The following CPN1 variants were observed in gnomAD, a reference collection of about 807,000 sequenced individuals.
The protein encoded by CPN1 is carboxypeptidase N subunit 1.
In CPN1, 37 loss-of-function variants were observed where a neutral mutation model predicts 46.4. The ratio of observed to expected loss-of-function variants is 0.80; its 90% CI spans 0.61 to 1.05. CPN1 has a LOEUF of 1.05. Ranked by LOEUF, CPN1 falls within the 50% of genes least tolerant of loss-of-function variation. The probability of loss-of-function intolerance (pLI) is 0.00; values close to 1 mark genes in which losing one functional copy is unlikely to be tolerated. For missense variants in CPN1, 563 were observed against 602.6 expected (o/e 0.93, Z 0.69); for synonymous variants, 224 against 235.4 (o/e 0.95, Z 0.44).
chr10:100,055,240 A>G (rs529521977), intron 6 of CPN1, among the ~76,000 whole-genome samples: 1 of 152,108 alleles, frequency 6.6e-6, no homozygotes, highest in South Asian at 2.1e-4. Flanking sequence ...TCCATCTAAA[A>G]AAAAAAAAAT....
At chr10:100,076,222 T>C (rs1035238318) in intron 1 of CPN1, 115 bp from the exon 2 acceptor site, 12 of 1,011,358 alleles carry the variant, frequency 1.2e-5, no homozygotes, top group East Asian at 7.6e-5. Context: ...CATGCTTTCA[T>C]TGGGTCTTTT....
At chr10:100,059,611 A>G (rs1363304023) in intron 5 of CPN1, among the ~76,000 whole-genome samples, 1 of 149,676 alleles carries the variant, frequency 6.7e-6, no homozygotes, top group Non-Finnish European at 1.5e-5. Flanking sequence ...AAAAAAAAAG[A>G]GTTGGTGAGG....
intron 3 of CPN1, among the ~76,000 whole-genome samples, chr10:100,068,025 G>A (rs1467210610): frequency 6.6e-6 from 1 of 151,582 alleles, no homozygotes; most frequent in African/African-American, 2.4e-5. Flanking sequence ...GGTGGCACGT[G>A]CCTGTAATCC....
At position 100,042,315 on chromosome 10, in the gene CPN1, C is replaced by G; in HGVS notation, c.*112G>C. ...CAGATGGAGACCATTCTGAATTGTT[C>G]TGAATATGTTTGTATTTAAATATGT... On this transcript the variant is annotated 3_prime_UTR_variant, in exon 9 of 9. Coordinates refer to ENST00000370418, the MANE Select transcript of CPN1 (RefSeq NM_001308.3). The G allele has an allele frequency of 7.0e-7, 1 of 1,423,506 alleles. No individual in the cohort carries two copies. Among genetic ancestry groups the G allele is most frequent in the Non-Finnish European group, 9.9e-7 (1 of 1,015,032 alleles). 88.2% of individuals were successfully genotyped at this position (1,423,506 alleles called of 1,614,324 possible). A position where few individuals can be genotyped will look rare whatever the true frequency, so the allele number is the denominator to read the frequency against.
At chr10:100,074,043 C>CG (rs1421907622) in intron 2 of CPN1, among the ~76,000 whole-genome samples, 1 of 152,084 alleles carries the variant, frequency 6.6e-6, no homozygotes, top group Non-Finnish European at 1.5e-5. Context: ...ATCCCCCCCC[C>CG]ACAATACTCC....
At chr10:100,081,241 A>G (rs573028614) in intron 1 of CPN1, among the ~76,000 whole-genome samples, 162 bp downstream of exon 1, 1 of 152,350 alleles carries the variant, frequency 6.6e-6, no homozygotes, top group Admixed American at 6.5e-5. Flanking sequence ...CCCCAGAGGC[A>G]GTGGCAGTTT....
chr10:100,079,942 C>G (rs546972765), intron 1 of CPN1, among the ~76,000 whole-genome samples: 6 of 152,184 alleles, frequency 3.9e-5, no homozygotes, highest in African/African-American at 1.2e-4. Context: ...AAAAATTAGC[C>G]AGGCATGGTA....
intron 1 of CPN1, among the ~76,000 whole-genome samples, chr10:100,078,901 C>G (rs576333432): frequency 2.2e-4 from 34 of 152,368 alleles, no homozygotes; most frequent in African/African-American, 7.2e-4. Context: ...GACCTCCTCT[C>G]TTGCTCTCCC....
intron 6 of CPN1, 101 bp from the exon 7 acceptor site, chr10:100,054,547 C>A: frequency 1.1e-6 from 1 of 944,952 alleles, no homozygotes; most frequent in East Asian, 2.5e-5. Flanking sequence ...TGTATTTTAT[C>A]TTCACAAAGA....
intron 7 of CPN1, among the ~76,000 whole-genome samples, chr10:100,052,351 G>T (rs888507055): frequency 3.3e-5 from 5 of 152,062 alleles, no homozygotes; most frequent in African/African-American, 1.2e-4. Context: ...GATTACAGGT[G>T]TGAGCCACCG....
chr10:100,057,144 C>G lies in CPN1; in HGVS notation c.880G>C (p.Asp294His). The G allele has an allele frequency of 6.2e-7, 1 of 1,614,080 alleles. No homozygotes were observed. Among genetic ancestry groups the G allele is most frequent in the East Asian group, 2.2e-5 (1 of 44,882 alleles). Residue 294 changes from aspartate to histidine, a missense_variant, in exon 6 of 9, where the codon GAC (aspartate) becomes CAC (histidine). By Grantham distance (81) the Asp-to-His change is moderately conservative (BLOSUM62 -1). Coordinates refer to ENST00000370418, the MANE Select transcript of CPN1 (RefSeq NM_001308.3). ...SWYSLSKGMQDFNYLHTNCFE... is the reference protein window; with the variant it reads ...SWYSLSKGMQHFNYLHTNCFE... ...CAGTTGGTATGGAGATAATTAAAGT[C>G]TTGCATTCCTAAGGGAAAGAGGGCA...
At chr10:100,057,214 A>ATC (rs143421246) in intron 5 of CPN1, 62 bp from the exon 6 acceptor site, 63 of 1,542,208 alleles carry the variant, frequency 4.1e-5, no homozygotes, top group African/African-American at 8.3e-5. Flanking sequence ...GCCCCATCTC[A>ATC]TCTCTCTCTC....
chr10:100,079,203 G>A (rs1163299151), intron 1 of CPN1, among the ~76,000 whole-genome samples: 1 of 152,194 alleles, frequency 6.6e-6, no homozygotes, highest in Non-Finnish European at 1.5e-5. Context: ...GATGTAATAT[G>A]TATTTACGTA....
chr10:100,049,774 C>T (rs531145816), intron 7 of CPN1, among the ~76,000 whole-genome samples: 20 of 152,222 alleles, frequency 1.3e-4, no homozygotes, highest in East Asian at 7.7e-4. Context: ...AATAGGAGTA[C>T]GGCCTCAGCT....
chr10:100,056,448 C>T (rs1345716061), intron 6 of CPN1, among the ~76,000 whole-genome samples: 1 of 152,180 alleles, frequency 6.6e-6, no homozygotes, highest in Non-Finnish European at 1.5e-5. Flanking sequence ...TGCTTACTGC[C>T]TGTCTTTCCT....
At chr10:100,046,087 T>G (rs1455829022) in intron 8 of CPN1, among the ~76,000 whole-genome samples, 1 of 152,176 alleles carries the variant, frequency 6.6e-6, no homozygotes, top group African/African-American at 2.4e-5. Context: ...AAGAAGTTCT[T>G]TGCTTCTCAT....
At chr10:100,057,593 A>T (rs1175122405) in intron 5 of CPN1, among the ~76,000 whole-genome samples, 1 of 152,046 alleles carries the variant, frequency 6.6e-6, no homozygotes, top group Non-Finnish European at 1.5e-5. Flanking sequence ...TAAGGGGGGA[A>T]ATAGGATGAT....
intron 3 of CPN1, among the ~76,000 whole-genome samples, chr10:100,065,878 A>G (rs1007762807): frequency 2.6e-5 from 4 of 151,990 alleles, no homozygotes; most frequent in African/African-American, 9.7e-5. Flanking sequence ...CTTTTTGCTC[A>G]ATTTTGCTGT....
At chr10:100,065,166 G>T (rs1355777998) in intron 4 of CPN1, 22 bp downstream of exon 4, 11 of 1,605,358 alleles carry the variant, frequency 6.9e-6, no homozygotes, top group Non-Finnish European at 9.4e-6. Context: ...CCCCTGGCGG[G>T]ACAAGCTGCT....
Sources: gnomAD v4.1 joint callset for allele counts (sites outside exome capture counted in the v4.1 genomes callset) on GRCh38, gnomAD v4.1.1 for gene constraint, MANE v1.5 for transcripts, NCBI Gene and HGNC (gene_info 2026-07-23, HGNC 2026-07-21) for gene names.